Variants in EXOC6B observed in about 807,000 individuals in gnomAD.
EXOC6B encodes exocyst complex component 6B, also known as SEC15 homolog B.
Under a neutral mutation model 113.5 loss-of-function variants are expected in EXOC6B, and 54 were observed. The observed-to-expected ratio is 0.48, with a 90% CI of 0.38 to 0.60. EXOC6B has a LOEUF of 0.60. EXOC6B is among the 20% of genes least tolerant of loss of function. EXOC6B has a pLI of 0.00. For synonymous variants in EXOC6B, 357 were observed against 339.0 expected (o/e 1.05, Z -0.58); for missense variants, 797 against 977.5 (o/e 0.82, Z 2.46).
intron 18 of EXOC6B, among the ~76,000 whole-genome samples, chr2:72,417,755 A>C (rs17040320): frequency 0.22 from 32,911 of 151,842 alleles, 6,853 homozygotes; most frequent in African/African-American, 0.55. Context: ...ATGATATATA[A>C]CTCCCTTATT....
chr2:72,658,984 TCTTCCG>T (rs980495617), intron 6 of EXOC6B, among the ~76,000 whole-genome samples: 1 of 152,138 alleles, frequency 6.6e-6, no homozygotes, highest in Non-Finnish European at 1.5e-5. Flanking sequence ...ATTTATTTCC[TCTTCCG>T]CTTAGTCGTA....
chr2:72,555,627 T>C (rs1397606201), intron 8 of EXOC6B, among the ~76,000 whole-genome samples: 12 of 152,116 alleles, frequency 7.9e-5, no homozygotes, highest in Admixed American at 7.9e-4. Flanking sequence ...ATAAATTTAG[T>C]TTCTTTTGCT....
intron 1 of EXOC6B, among the ~76,000 whole-genome samples, chr2:72,794,492 C>T (rs1299727354): frequency 6.6e-6 from 1 of 152,122 alleles, no homozygotes; most frequent in African/African-American, 2.4e-5. Context: ...ATAAAACATA[C>T]TAATAATCAA....
chr2:72,653,970 A>T lies in EXOC6B; in HGVS notation c.669+64133T>A, dbSNP rs902203361. Among the ~76,000 whole-genome samples the T allele has an allele frequency of 1.6e-3, 218 of 136,466 alleles. 1 individual carries two copies. The highest frequency in any genetic ancestry group is 5.6e-3 in the African/African-American group (208 of 36,926). The allele number at this position is 136,466 out of a possible 152,430, so 89.5% of individuals were successfully genotyped here. A position where few individuals can be genotyped will look rare whatever the true frequency, so the allele number is the denominator to read the frequency against. ...TGGTACAATGTCATGAATTTTATTT[A>T]TTTTTTTTTTTTTTTTTGAGACGGA... On this transcript the variant is annotated intron_variant, in intron 6 of 21. Transcript: ENST00000272427.
At chr2:72,602,833 C>G (rs1459082880) in intron 6 of EXOC6B, among the ~76,000 whole-genome samples, 1 of 152,156 alleles carries the variant, frequency 6.6e-6, no homozygotes, top group Admixed American at 6.6e-5. Flanking sequence ...TTCCTCCTCC[C>G]CACTCAGTAT....
intron 6 of EXOC6B, among the ~76,000 whole-genome samples, chr2:72,619,025 A>C (rs1671574018): frequency 6.6e-6 from 1 of 152,204 alleles, no homozygotes; most frequent in Admixed American, 6.5e-5. Context: ...CTGGAAGAGA[A>C]GCTTTGTTGC....
chr2:72,428,038 A>G (rs1230815640), intron 18 of EXOC6B, among the ~76,000 whole-genome samples: 3 of 152,124 alleles, frequency 2.0e-5, no homozygotes, highest in Non-Finnish European at 2.9e-5. Flanking sequence ...TGAATACTCC[A>G]TGGAACACCC....
intron 1 of EXOC6B, among the ~76,000 whole-genome samples, chr2:72,823,493 A>AAAAAAAAAAC: frequency 6.6e-6 from 1 of 150,648 alleles, no homozygotes; most frequent in Admixed American, 6.6e-5. Flanking sequence ...AAACAAAAAA[A>AAAAAAAAAAC]AAGACAGTGG....
intron 19 of EXOC6B, among the ~76,000 whole-genome samples, chr2:72,379,153 C>T (rs1049588530): frequency 6.6e-6 from 1 of 152,106 alleles, no homozygotes; most frequent in Non-Finnish European, 1.5e-5. Context: ...TCTAATTATA[C>T]CAAAGGAGGA....
chr2:72,756,727 T>G (rs893717308), intron 1 of EXOC6B, among the ~76,000 whole-genome samples: 1 of 152,152 alleles, frequency 6.6e-6, no homozygotes, highest in Admixed American at 6.5e-5. Context: ...ATTTTGCACA[T>G]GAAGCAACCT....
At chr2:72,509,272 A>G (rs984727177) in intron 11 of EXOC6B, among the ~76,000 whole-genome samples, 1 of 152,220 alleles carries the variant, frequency 6.6e-6, no homozygotes, top group Non-Finnish European at 1.5e-5. Flanking sequence ...TCTGACTTCC[A>G]TTCTCTAGTA....
At chr2:72,445,149 C>T (rs11902701) in intron 18 of EXOC6B, among the ~76,000 whole-genome samples, 1,760 of 152,248 alleles carry the variant, frequency 0.012, 54 homozygotes, top group African/African-American at 0.04. Flanking sequence ...CAAAGTTCCA[C>T]AAATCTCTAG....
chr2:72,443,104 G>A (rs1696318293), intron 18 of EXOC6B, among the ~76,000 whole-genome samples: 1 of 151,744 alleles, frequency 6.6e-6, no homozygotes, highest in East Asian at 1.9e-4. Flanking sequence ...AGGTGGGTGG[G>A]TCACTAGGTC....
intron 1 of EXOC6B, among the ~76,000 whole-genome samples, chr2:72,796,453 CAAAAAAAA>C (rs61374385): frequency 3.7e-5 from 2 of 54,032 alleles, no homozygotes; most frequent in Admixed American, 4.1e-4. Flanking sequence ...ACTCCATCTC[CAAAAAAAA>C]AAAAAAAAAG....
At chr2:72,596,663 A>AAG (rs1280736603) in intron 6 of EXOC6B, among the ~76,000 whole-genome samples, 1 of 152,090 alleles carries the variant, frequency 6.6e-6, no homozygotes, top group Non-Finnish European at 1.5e-5. Context: ...TTTTTTAACA[A>AAG]AGAGAGAGAG....
chr2:72,718,112 G>C lies in EXOC6B; in HGVS notation c.660C>G (p.Ala220=). The change falls in exon 6 of 22, where the codon GCC becomes GCG. Residue 220 remains alanine, a synonymous_variant. Transcript: ENST00000272427. Reference sequence around the variant, plus strand: ...TAAACCCAAGACCTACTTGCTTCATGGCAGTCTCTCCAATTTTGTCTGAAT... The same window carrying C: ...TAAACCCAAGACCTACTTGCTTCATCGCAGTCTCTCCAATTTTGTCTGAAT... ...RKHSDKIGET[A]MKQAQQQRNL... 1 of 1,608,754 alleles carries C rather than the reference G, an allele frequency of 6.2e-7. No individual in the cohort carries two copies. The highest frequency in any genetic ancestry group is 8.5e-7 in the Non-Finnish European group (1 of 1,177,190).
chr2:72,672,781 T>C (rs1047648582), intron 6 of EXOC6B, among the ~76,000 whole-genome samples: 2 of 152,078 alleles, frequency 1.3e-5, no homozygotes, highest in Admixed American at 6.6e-5. Context: ...GGAGAGTACA[T>C]TGATGGTTAC....
At chr2:72,426,786 C>G (rs1296145648) in intron 18 of EXOC6B, among the ~76,000 whole-genome samples, 1 of 152,234 alleles carries the variant, frequency 6.6e-6, no homozygotes, top group Non-Finnish European at 1.5e-5. Context: ...TGACATCTAA[C>G]TTTAATTTAG....
chr2:72,618,523 A>G (rs772637287), intron 6 of EXOC6B, among the ~76,000 whole-genome samples: 2 of 152,166 alleles, frequency 1.3e-5, no homozygotes, highest in Non-Finnish European at 2.9e-5. Flanking sequence ...GCACCCCAAG[A>G]TTTCCCTTCT....
Sources: allele counts gnomAD v4.1 joint callset (sites outside exome capture counted in the v4.1 genomes callset), GRCh38; gene constraint gnomAD v4.1.1; transcripts MANE v1.5; gene names NCBI Gene and HGNC (gene_info 2026-07-23, HGNC 2026-07-21).